The following ROGDI variants were observed in gnomAD, a reference collection of about 807,000 sequenced individuals.
The protein encoded by ROGDI is protein rogdi homolog.
ROGDI carries 46 observed loss-of-function variants against 43.1 expected under a neutral mutation model. That is an observed-to-expected ratio of 1.07 (90% CI 0.84 to 1.37). The LOEUF is 1.37. ROGDI is among the 40% of genes most tolerant of loss of function. The pLI is 0.00. For missense variants in ROGDI, 518 were observed against 383.9 expected, an observed-to-expected ratio of 1.35 and a Z score of -2.92; for synonymous variants, 243 against 162.0, an observed-to-expected ratio of 1.50 and a Z score of -3.80.
At chr16:4,797,656 G>T in intron 10 of ROGDI, 58 bp downstream of exon 10, 3 of 1,610,312 alleles carry the variant, frequency 1.9e-6, no homozygotes, top group Non-Finnish European at 2.5e-6. Flanking sequence ...CGCTCTGAGG[G>T]TGTGGCAAGG....
At chr16:4,800,743 C>A in intron 4 of ROGDI, 165 bp from the exon 5 acceptor site, 1 of 600,498 alleles carries the variant, frequency 1.7e-6, no homozygotes, top group Non-Finnish European at 3.0e-6. Flanking sequence ...GGGGGTTGAA[C>A]AGGGAGGTCA....
At chr16:4,801,345 G>A in intron 3 of ROGDI, 24 bp from the exon 4 acceptor site, 2 of 1,596,880 alleles carry the variant, frequency 1.3e-6, no homozygotes, top group Non-Finnish European at 1.7e-6. Context: ...CGTCAGAGCG[G>A]TGCCTGTGGT....
chr16:4,798,781 C>T lies in ROGDI; in HGVS notation c.433-114G>A, dbSNP rs994997145. The T allele has an allele frequency of 1.0e-5, 9 of 868,668 alleles. No individual in the cohort carries two copies. In the African/African-American group the frequency reaches 1.5e-4, roughly 15 times the overall value. 53.8% of individuals were successfully genotyped at this position (868,668 alleles called of 1,614,324 possible). Reference sequence around the variant, plus strand: ...GCCCAGTGGCTACTGTTCCCAGGTCCCGAAACCCGGCAGCAGGGACCTGTT... The same window carrying T: ...GCCCAGTGGCTACTGTTCCCAGGTCTCGAAACCCGGCAGCAGGGACCTGTT... On this transcript the variant is annotated intron_variant, in intron 6 of 10. Coordinates refer to ENST00000322048, the MANE Select transcript of ROGDI (RefSeq NM_024589.3).
chr16:4,801,370 C>G (rs752243317), intron 3 of ROGDI, 49 bp from the exon 4 acceptor site: 1 of 1,583,192 alleles, frequency 6.3e-7, no homozygotes, highest in African/African-American at 1.3e-5. Flanking sequence ...CCCCCACCAC[C>G]CAGCCCTCCC....
intron 2 of ROGDI, chr16:4,802,172 G>A (rs373164145): frequency 4.0e-5 from 26 of 651,514 alleles, no homozygotes; most frequent in East Asian, 1.2e-4. Flanking sequence ...TCAGGCCCTT[G>A]CTAGCACCCT....
Position 4,798,017 on chromosome 16 carries a change from C to A in ROGDI, c.646-30G>T, listed in dbSNP as rs371472277. On this transcript the variant is annotated intron_variant, in intron 8 of 10. Transcript: ENST00000322048. Reference sequence around the variant, plus strand: ...GGAGAACAGCACCAGACCCGTCAGGCCTTGCAGGGCGTGTGCATGGCGGGC... The same window carrying A: ...GGAGAACAGCACCAGACCCGTCAGGACTTGCAGGGCGTGTGCATGGCGGGC... 4.3e-6 allele frequency: 7 copies of A among 1,613,456 alleles called. No homozygotes were observed. In the East Asian group the frequency reaches 6.7e-5, roughly 15 times the overall value.
At position 4,799,743 on chromosome 16, in the gene ROGDI, G is replaced by A. The variant is rs748410768; in HGVS notation, c.375C>T (p.Tyr125=). 5.6e-6 allele frequency: 9 copies of A among 1,613,700 alleles called. No homozygotes were observed. The highest frequency in any genetic ancestry group is 1.7e-5 in the Admixed American group (1 of 59,964). ...AGCTCTGGTCCCGGCTGGTAAGCAG[G>A]TAAATGGCTTGGCTCACATGGTTTC... ...DARNHVSQAI[Y]LLTSRDQSYQ... is the part of the protein sequence containing the mutation. The change falls in exon 6 of 11, where the codon TAC becomes TAT. Residue 125 remains tyrosine, a synonymous_variant. Transcript: ENST00000322048.
At chr16:4,802,168 C>G (rs1341782497) in intron 2 of ROGDI, 1 of 654,172 alleles carries the variant, frequency 1.5e-6, no homozygotes, top group African/African-American at 1.8e-5. Context: ...GGACTCAGGC[C>G]CTTGCTAGCA....
chr16:4,799,484 G>T (rs1368767154), intron 6 of ROGDI, among the ~76,000 whole-genome samples: 1 of 152,128 alleles, frequency 6.6e-6, no homozygotes, highest in Admixed American at 6.6e-5. Flanking sequence ...CTTACTGGGG[G>T]CCCCGTGACC....
intron 2 of ROGDI, chr16:4,802,087 G>T (rs1481634727): frequency 6.3e-6 from 4 of 630,284 alleles, no homozygotes; most frequent in Non-Finnish European, 8.8e-6. Flanking sequence ...CCAGGCAGAG[G>T]CAGAATTCTT....
At chr16:4,799,487 C>G (rs2082692035) in intron 6 of ROGDI, among the ~76,000 whole-genome samples, 199 bp downstream of exon 6, 1 of 152,106 alleles carries the variant, frequency 6.6e-6, no homozygotes, top group African/African-American at 2.4e-5. Context: ...ACTGGGGGCC[C>G]CGTGACCTGA....
intron 10 of ROGDI, 105 bp downstream of exon 10, chr16:4,797,609 G>A (rs1008268584): frequency 1.8e-5 from 29 of 1,592,252 alleles, no homozygotes; most frequent in Middle Eastern, 3.4e-4. Context: ...TTGCTGCCTC[G>A]CAGTGCTGTG....
Position 4,798,789 on chromosome 16 carries a change from C to T in ROGDI, c.433-122G>A, listed in dbSNP as rs546464162. ...GCTACTGTTCCCAGGTCCCGAAACC[C>T]GGCAGCAGGGACCTGTTAAAGACAG... On this transcript the variant is annotated intron_variant, in intron 6 of 10. Coordinates refer to ENST00000322048, the MANE Select transcript of ROGDI (RefSeq NM_024589.3). 3.8e-3 allele frequency: 3,059 copies of T among 798,448 alleles called. 6 individuals carry two copies. The highest frequency in any genetic ancestry group is 4.9e-3 in the Non-Finnish European group (2,448 of 495,850). 49.5% of individuals were successfully genotyped at this position (798,448 alleles called of 1,614,324 possible).
rs1246005660 is a variant in ROGDI, at chr16:4,802,389, A to C, written c.110T>G (p.Ile37Ser). The C allele has an allele frequency of 6.4e-7, 1 of 1,571,400 alleles. No homozygotes were observed. The highest frequency in any genetic ancestry group is 1.9e-5 in the Admixed American group (1 of 53,766). Residue 37 changes from isoleucine to serine, a missense_variant, in exon 2 of 11, where the codon ATC becomes AGC. Ile to Ser is a moderately radical substitution (Grantham distance 142). Transcript: ENST00000322048. ...CAGGGCGCGGGTCGTTACCTTGAGG[A>C]TGTCCTGCAGCTGCTTCAACACAGC... ...VHAVLKQLQD[I>S]LKEASLRFTL...
rs2082718424 is a variant in ROGDI, at chr16:4,801,534, T to C, written c.169A>G (p.Lys57Glu). The change falls in exon 3 of 11, where the codon AAG (lysine) becomes GAG (glutamate). Residue 57 changes from lysine (K) to glutamate (E), a missense_variant. By Grantham distance (56) the Lys-to-Glu change is moderately conservative. Coordinates refer to ENST00000322048, the MANE Select transcript of ROGDI (RefSeq NM_024589.3). ...CTGCCTAGGATGAAGTTCTCTTGCT[T>C]GGCGGGCCCCTCAGTGCCGGAGCCC... ...LPGSGTEGPA[K>E]QENFILGSCG... is the part of the protein sequence containing the mutation. 1.9e-6 allele frequency: 3 copies of C among 1,607,150 alleles called. No individual in the cohort carries two copies. The highest frequency in any genetic ancestry group is 1.7e-5 in the Admixed American group (1 of 58,786).
At position 4,797,490 on chromosome 16, in the gene ROGDI, G is replaced by A. The variant is rs773530281; in HGVS notation, c.834C>T (p.Phe278=). The change falls in exon 11 of 11, where the codon TTC becomes TTT. Residue 278 remains phenylalanine, a synonymous_variant. Transcript: ENST00000322048. Reference sequence around the variant, plus strand: ...AGGGTCTGTAGCTCCAGTAGCTGGAGAACACGGAGATCTGCAAGGGGAGAG... The same window carrying A: ...AGGGTCTGTAGCTCCAGTAGCTGGAAAACACGGAGATCTGCAAGGGGAGAG... ...CQQLKDKISV[F]SSYWSYRPF 10 of 1,613,354 alleles carry A rather than the reference G, an allele frequency of 6.2e-6. No homozygotes were observed. The South Asian group carries it at 9.9e-5, about 16-fold the overall frequency.
rs1417229883 is a variant in ROGDI at position 4,798,056 on chromosome 16, G to A, written c.645+15C>T. ...TGCATGGCGGGCAGTGGGCCGGGCA[G>A]GGGTCCCTCCTCACCTTGGTGGAGT... On this transcript the variant is annotated intron_variant, in intron 8 of 10. Transcript: ENST00000322048. The A allele has an allele frequency of 2.5e-6, 4 of 1,613,522 alleles. No individual in the cohort carries two copies. Among genetic ancestry groups the A allele is most frequent in the Admixed American group, 1.7e-5 (1 of 59,972 alleles).
At chr16:4,799,842 T>A in intron 5 of ROGDI, 61 bp from the exon 6 acceptor site, 1 of 1,237,888 alleles carries the variant, frequency 8.1e-7, no homozygotes, top group Non-Finnish European at 1.2e-6. Flanking sequence ...GAGGGGAGAG[T>A]GGGTGCTGCC....
Position 4,798,657 on chromosome 16 carries a change from G to A in ROGDI, c.443C>T (p.Ala148Val). ...TGAEVLKLMDAVMLQLTRARN... is the reference protein window; with the variant it reads ...TGAEVLKLMDVVMLQLTRARN... Reference sequence around the variant, plus strand: ...GGCTCTGGTCAGCTGCAGCATCACTGCGTCCATCAGCTGCAGGGAGAGGCG... The same window carrying A: ...GGCTCTGGTCAGCTGCAGCATCACTACGTCCATCAGCTGCAGGGAGAGGCG... Residue 148 changes from alanine (A) to valine (V), a missense_variant, in exon 7 of 11, where the codon GCA becomes GTA. Transcript: ENST00000322048. The A allele has an allele frequency of 6.4e-7, 1 of 1,565,412 alleles. No homozygotes were observed.
Sources: gnomAD v4.1 joint callset for allele counts (sites outside exome capture counted in the v4.1 genomes callset) on GRCh38, gnomAD v4.1.1 for gene constraint, MANE v1.5 for transcripts, NCBI Gene and HGNC (gene_info 2026-07-23, HGNC 2026-07-21) for gene names.